CD163: variants seen among roughly 807,000 people sequenced by gnomAD.
CD163 encodes CD163 molecule.
A neutral mutation model predicts 129.2 loss-of-function variants in CD163; 64 were observed. That is an observed-to-expected ratio of 0.50 (90% CI 0.41 to 0.61). CD163 has a LOEUF of 0.61. Among genes scored for constraint, CD163 ranks in the 20% least tolerant of loss-of-function variants. CD163 has a pLI of 0.00. For synonymous variants in CD163, 446 were observed against 478.5 expected (o/e 0.93, Z 0.89); for missense variants, 1,061 against 1,377.9 (o/e 0.77, Z 3.64).
At position 7,485,930 on chromosome 12, in the gene CD163, C is replaced by T. The variant is rs111886967; in HGVS notation, c.2459-514G>A. Among the ~76,000 whole-genome samples the T allele has an allele frequency of 2.4e-3, 367 of 152,286 alleles. No individual in the cohort carries two copies. Among genetic ancestry groups the T allele is most frequent in the African/African-American group, 8.1e-3 (338 of 41,556 alleles). On this transcript the variant is annotated intron_variant, in intron 10 of 16. Transcript: ENST00000432237. This position sits in a 1 kb window ranked among gnomAD's most constrained non-coding sequence, Gnocchi z 4.5. ...TTTTCACTTCCTTAAGTTACTGAAT[C>T]ATAGTTCTGTTCCCCATAATACATA...
chr12:7,480,100 A>G, intron 15 of CD163, 187 bp from the exon 16 acceptor site: 1 of 1,051,776 alleles, frequency 9.5e-7, no homozygotes, highest in East Asian at 2.6e-5. Context: ...TAGGAAGAAA[A>G]GCATGTGTGA....
At chr12:7,483,766 A>T (rs1949197611) in intron 11 of CD163, 91 bp from the exon 12 acceptor site, 1 of 630,252 alleles carries the variant, frequency 1.6e-6, no homozygotes, top group Admixed American at 3.9e-5. Context: ...AACTTAAAAA[A>T]AAAAAAAAAC....
At chr12:7,484,574 G>C (rs960503508) in intron 11 of CD163, among the ~76,000 whole-genome samples, 1 of 146,026 alleles carries the variant, frequency 6.8e-6, no homozygotes, top group South Asian at 2.2e-4. Flanking sequence ...AGAAGGCAGA[G>C]GTTGCAGTGA....
rs1027923765 is a variant in CD163, at chr12:7,471,046, T to C, written c.*383A>G. 3 of 152,124 alleles carry C rather than the reference T, an allele frequency of 2.0e-5. No individual in the cohort carries two copies. The highest frequency in any genetic ancestry group is 7.2e-5 in the African/African-American group (3 of 41,442). The allele number at this position is 152,124 out of a possible 1,614,324, so 9.4% of individuals were successfully genotyped here. On this transcript the variant is annotated 3_prime_UTR_variant, in exon 17 of 17. Coordinates refer to ENST00000432237, the MANE Select transcript of CD163 (RefSeq NM_203416.4). ...AAACCAAATAAGAAAAAATATACAG[T>C]ACTGTATATGCAAATTGAAACACTG...
chr12:7,492,513 T>C (rs1302588751), intron 6 of CD163, among the ~76,000 whole-genome samples: 5 of 152,070 alleles, frequency 3.3e-5, no homozygotes, highest in Non-Finnish European at 5.9e-5. Context: ...AGCCTCACTT[T>C]GAAAAGAAAA....
At position 7,496,904 on chromosome 12, in the gene CD163, C is replaced by G. The variant is rs1047387935; in HGVS notation, c.1008G>C (p.Gln336His). 11 of 1,613,998 alleles carry G rather than the reference C, an allele frequency of 6.8e-6. No individual in the cohort carries two copies. Among genetic ancestry groups the G allele is most frequent in the Non-Finnish European group, 8.5e-6 (10 of 1,179,994 alleles). The change falls in exon 5 of 17, where the codon CAG becomes CAC. Residue 336 changes from glutamine (Q) to histidine (H), a missense_variant. Gln to His is a conservative substitution (Grantham distance 24, BLOSUM62 0). Transcript: ENST00000432237. The surrounding 1 kb of genome is among the most constrained non-coding windows in gnomAD (Gnocchi z 4.8). ...ATTGCCAGATAGCAGGTTCATGTCC[C>G]TGGCAAGAAACGCTGTCAAGCCAGA... ...GHIWLDSVSCQGHEPAIWQCK... is the reference protein window; with the variant it reads ...GHIWLDSVSCHGHEPAIWQCK...
At chr12:7,498,724 G>T (rs11054182) in intron 4 of CD163, 144 bp downstream of exon 4, 7 of 773,696 alleles carry the variant, frequency 9.0e-6, no homozygotes, top group Non-Finnish European at 1.4e-5. Context: ...ACAGGTATCA[G>T]AACTGGAACC....
At chr12:7,502,714 T>C (rs1481470647) in intron 1 of CD163, 150 bp from the exon 2 acceptor site, 1 of 665,406 alleles carries the variant, frequency 1.5e-6, no homozygotes, top group South Asian at 1.7e-5. Flanking sequence ...AAAACATTCA[T>C]ACCCAGGCTC....
intron 6 of CD163, among the ~76,000 whole-genome samples, chr12:7,494,341 G>T (rs1001043447): frequency 6.6e-6 from 1 of 152,072 alleles, no homozygotes; most frequent in African/African-American, 2.4e-5. Flanking sequence ...CTTAACTAGA[G>T]GTAAGCACCA....
In CD163 at chr12:7,493,927, A is replaced by G. The variant is rs367816628; in HGVS notation, c.1420+1154T>C. On this transcript the variant is annotated intron_variant, in intron 6 of 16. Coordinates refer to ENST00000432237, the MANE Select transcript of CD163 (RefSeq NM_203416.4). The stretch of plus-strand genomic sequence containing the variant: ...AAATGAATACACACGGTAATAAATT[A>G]TAAGAAATGTTATAGATATGGAAGT... Among the ~76,000 whole-genome samples, 5 of 152,366 alleles carry G rather than the reference A, an allele frequency of 3.3e-5. No homozygotes were observed. The East Asian group carries it at 5.8e-4, about 18-fold the overall frequency.
chr12:7,502,807 G>A (rs182759928), intron 1 of CD163: 26 of 558,478 alleles, frequency 4.7e-5, no homozygotes, highest in South Asian at 2.8e-4. Flanking sequence ...GGTTGGTGGT[G>A]GAAACGAGAA....
At chr12:7,475,710 T>C (rs1184552671) in intron 16 of CD163, among the ~76,000 whole-genome samples, 1 of 152,122 alleles carries the variant, frequency 6.6e-6, no homozygotes, top group Non-Finnish European at 1.5e-5. Flanking sequence ...ACCACTCCTA[T>C]TCAACAGAGT....
At chr12:7,474,811 G>T (rs1201835868) in intron 16 of CD163, among the ~76,000 whole-genome samples, 1 of 151,540 alleles carries the variant, frequency 6.6e-6, no homozygotes, top group Non-Finnish European at 1.5e-5. Flanking sequence ...AAGATAAACA[G>T]AATCGACAGA....
rs1342825788 is a variant in CD163, at chr12:7,496,214, C to G, written c.1099+599G>C. On this transcript the variant is annotated intron_variant, in intron 5 of 16. Transcript: ENST00000432237. This position sits in a 1 kb window ranked among gnomAD's most constrained non-coding sequence, Gnocchi z 4.8. ...GCTAGAAACCATCATCCTCAGCAAA[C>G]TAACACACAAGAACAGAAAACCAAA... Among the ~76,000 whole-genome samples the G allele has an allele frequency of 6.6e-6, 1 of 152,064 alleles. No individual in the cohort carries two copies. Among genetic ancestry groups the G allele is most frequent in the Admixed American group, 6.5e-5 (1 of 15,268 alleles).
chr12:7,486,616 T>C lies in CD163; in HGVS notation c.2341A>G (p.Ile781Val), dbSNP rs779060172. 4.6e-5 allele frequency: 74 copies of C among 1,614,220 alleles called. 1 individual carries two copies. The South Asian group carries it at 7.5e-4, about 16-fold the overall frequency. Residue 781 changes from isoleucine (I) to valine (V), a missense_variant, in exon 10 of 17, where the codon ATC (isoleucine) becomes GTC (valine). Coordinates refer to ENST00000432237, the MANE Select transcript of CD163 (RefSeq NM_203416.4). Reference protein sequence around the residue: ...SAHFGEGTGPIWLDEMKCNGK... With the variant: ...SAHFGEGTGPVWLDEMKCNGK... ...TTGCATTTCATCTCATCCAGCCAGA[T>C]GGGCCCTGTTCCTTCCCCAAAATGA...
At chr12:7,472,906 G>A (rs1949026019) in intron 16 of CD163, among the ~76,000 whole-genome samples, 1 of 152,114 alleles carries the variant, frequency 6.6e-6, no homozygotes, top group Non-Finnish European at 1.5e-5. Context: ...GAAAAACACA[G>A]CATGAGAACT....
chr12:7,499,449 C>A (rs1949448563), intron 3 of CD163, among the ~76,000 whole-genome samples: 1 of 151,504 alleles, frequency 6.6e-6, no homozygotes. Flanking sequence ...TTGTTTCCAT[C>A]TATTACTAGG....
intron 15 of CD163, 183 bp downstream of exon 15, chr12:7,480,978 T>TA (rs1484914693): frequency 1.5e-6 from 2 of 1,323,112 alleles, no homozygotes; most frequent in Non-Finnish European, 1.9e-6. Context: ...AAGGCCTCCC[T>TA]ATGATTGCAA....
chr12:7,500,605 A>G (rs948633036), intron 3 of CD163, among the ~76,000 whole-genome samples: 17 of 152,138 alleles, frequency 1.1e-4, no homozygotes, highest in African/African-American at 4.1e-4. Context: ...TTAAAAGCAC[A>G]ATGTAAATGA....
Sources: gnomAD v4.1 joint callset for allele counts (sites outside exome capture counted in the v4.1 genomes callset) on GRCh38, gnomAD v4.1.1 for gene constraint, Gnocchi (gnomAD v3.1) non-coding constraint, MANE v1.5 for transcripts, NCBI Gene and HGNC (gene_info 2026-07-23, HGNC 2026-07-21) for gene names.